Variants in CEP128 observed in about 807,000 individuals in gnomAD.
CEP128 encodes centrosomal protein 128.
Under a neutral mutation model 156.7 loss-of-function variants are expected in CEP128, and 132 were observed. That is an observed-to-expected ratio of 0.84 (90% CI 0.73 to 0.97). CEP128 has a LOEUF of 0.97. CEP128 is among the 50% of genes least tolerant of loss of function. The probability of loss-of-function intolerance (pLI) is 0.00; values close to 1 mark genes in which losing one functional copy is unlikely to be tolerated. For synonymous variants in CEP128, 469 were observed against 448.9 expected (o/e 1.04, Z -0.57); for missense variants, 1,252 against 1,281.9 (o/e 0.98, Z 0.36).
intron 21 of CEP128, 34 bp from the exon 22 acceptor site, chr14:80,530,920 T>TAAA (rs60585438): frequency 7.1e-7 from 1 of 1,413,146 alleles, no homozygotes; most frequent in Non-Finnish European, 9.8e-7. Flanking sequence ...CCAAACATTA[T>TAAA]AAAAAATTGA....
chr14:80,647,956 C>A (rs115424453), intron 19 of CEP128, among the ~76,000 whole-genome samples: 40 of 152,098 alleles, frequency 2.6e-4, no homozygotes, highest in African/African-American at 8.2e-4. Flanking sequence ...TTATATTTCC[C>A]AACTTCTTAT....
intron 19 of CEP128, among the ~76,000 whole-genome samples, chr14:80,740,535 T>TAGAC (rs1566888104): frequency 2.8e-5 from 4 of 143,612 alleles, no homozygotes; most frequent in Non-Finnish European, 6.2e-5. Context: ...GATAGATAGA[T>TAGAC]AGATAGATAG....
At chr14:80,562,065 C>A (rs1326529170) in intron 20 of CEP128, among the ~76,000 whole-genome samples, 1 of 149,136 alleles carries the variant, frequency 6.7e-6, no homozygotes, top group Non-Finnish European at 1.5e-5. Context: ...GTAGCTGGAA[C>A]TACAGGTGCC....
At chr14:80,786,791 G>A (rs1039636364) in intron 14 of CEP128, among the ~76,000 whole-genome samples, 4 of 152,106 alleles carry the variant, frequency 2.6e-5, no homozygotes, top group Non-Finnish European at 5.9e-5. Flanking sequence ...TCTCAGGGAG[G>A]TGTTTATGCA....
chr14:80,811,043 GT>G (rs1027835219), intron 13 of CEP128, among the ~76,000 whole-genome samples: 33 of 152,084 alleles, frequency 2.2e-4, no homozygotes, highest in African/African-American at 7.7e-4. Context: ...GCGGTGTTTG[GT>G]TTTTTGTTCC....
At chr14:80,851,106 A>T (rs542634329) in intron 9 of CEP128, among the ~76,000 whole-genome samples, 1 of 152,284 alleles carries the variant, frequency 6.6e-6, no homozygotes, top group African/African-American at 2.4e-5. Context: ...TATGCAGCTG[A>T]ACAATCACTT....
chr14:80,760,433 G>T (rs1416255927), intron 17 of CEP128, among the ~76,000 whole-genome samples: 1 of 151,926 alleles, frequency 6.6e-6, no homozygotes, highest in African/African-American at 2.4e-5. Context: ...AGAAAAAAAG[G>T]CAGAGAGAAA....
At chr14:80,545,875 T>C (rs1889962260) in intron 21 of CEP128, among the ~76,000 whole-genome samples, 1 of 152,174 alleles carries the variant, frequency 6.6e-6, no homozygotes, top group Admixed American at 6.5e-5. Context: ...AGTTGTACAT[T>C]ACAATCATCT....
chr14:80,493,133 G>A (rs912966001), downstream of CEP128, among the ~76,000 whole-genome samples: 14 of 152,236 alleles, frequency 9.2e-5, no homozygotes, highest in Non-Finnish European at 1.9e-4. Context: ...ATGAGAGGGC[G>A]ACAAGTTGTG....
intron 19 of CEP128, among the ~76,000 whole-genome samples, chr14:80,610,967 G>GA (rs919348997): frequency 6.6e-6 from 1 of 151,732 alleles, no homozygotes; most frequent in African/African-American, 2.4e-5. Context: ...AAAATGAATA[G>GA]AAAAAAATGC....
chr14:80,570,387 A>C (rs1382381339), intron 20 of CEP128, among the ~76,000 whole-genome samples: 1 of 152,136 alleles, frequency 6.6e-6, no homozygotes, highest in Non-Finnish European at 1.5e-5. Context: ...AAGTGCTGGG[A>C]TTACAGGCGT....
chr14:80,836,926 A>G (rs76947978), intron 11 of CEP128, among the ~76,000 whole-genome samples: 1 of 152,224 alleles, frequency 6.6e-6, no homozygotes, highest in Non-Finnish European at 1.5e-5. Flanking sequence ...TAAAATCACA[A>G]TGACAATCTA....
At chr14:80,875,167 A>T (rs1241958952) in intron 8 of CEP128, among the ~76,000 whole-genome samples, 1 of 152,184 alleles carries the variant, frequency 6.6e-6, no homozygotes, top group Non-Finnish European at 1.5e-5. Context: ...GTCCCTGATT[A>T]ATCACTCTCT....
intron 19 of CEP128, among the ~76,000 whole-genome samples, chr14:80,728,636 G>C (rs547581136): frequency 6.6e-6 from 1 of 152,262 alleles, no homozygotes; most frequent in East Asian, 1.9e-4. Context: ...ATTTGAACCT[G>C]AGAAGTTGGA....
At chr14:80,488,717 A>C (rs1372200654), downstream of CEP128, among the ~76,000 whole-genome samples, 4 of 152,178 alleles carry the variant, frequency 2.6e-5, no homozygotes. Context: ...CAAAATAGCA[A>C]AGACTTGGAA....
At chr14:80,788,663 T>C (rs1178031824) in intron 14 of CEP128, among the ~76,000 whole-genome samples, 1 of 152,090 alleles carries the variant, frequency 6.6e-6, no homozygotes, top group African/African-American at 2.4e-5. Context: ...ACCAATTGCT[T>C]CCAACCACAT....
chr14:80,802,668 T>C (rs1883946804), intron 13 of CEP128, among the ~76,000 whole-genome samples: 1 of 152,018 alleles, frequency 6.6e-6, no homozygotes, highest in Non-Finnish European at 1.5e-5. Context: ...TTTTTATTTT[T>C]TAGAAGAAAT....
At position 80,583,926 on chromosome 14, in the gene CEP128, G is replaced by A. The variant is rs2140457341; in HGVS notation, c.2807-3503C>T. Reference sequence around the variant, plus strand: ...AATATATGAAGACATGAGACTCAAAGAAATGCAAATGGTTTGGCTGAGATC... The same window carrying A: ...AATATATGAAGACATGAGACTCAAAAAAATGCAAATGGTTTGGCTGAGATC... On this transcript the variant is annotated intron_variant, in intron 19 of 24. Transcript: ENST00000555265. Among the ~76,000 whole-genome samples the A allele has an allele frequency of 2.6e-5, 4 of 152,216 alleles. No homozygotes were observed. The South Asian group carries it at 8.3e-4, about 32-fold the overall frequency.
At chr14:80,883,414 C>T (rs1168465610) in intron 8 of CEP128, among the ~76,000 whole-genome samples, 1 of 151,892 alleles carries the variant, frequency 6.6e-6, no homozygotes, top group Non-Finnish European at 1.5e-5. Flanking sequence ...ACAAAATCAA[C>T]ATACAAAACT....
Sources: gnomAD v4.1 joint callset for allele counts (sites outside exome capture counted in the v4.1 genomes callset) on GRCh38, gnomAD v4.1.1 for gene constraint, MANE v1.5 for transcripts, NCBI Gene and HGNC (gene_info 2026-07-23, HGNC 2026-07-21) for gene names.